The following ATG13 variants were observed in gnomAD, a reference collection of about 807,000 sequenced individuals.
ATG13 encodes the protein autophagy related 13.
ATG13 carries 23 observed loss-of-function variants against 65.5 expected under a neutral mutation model. The observed-to-expected ratio is 0.35, with a 90% CI of 0.25 to 0.50. The LOEUF (loss-of-function observed/expected upper bound fraction) is 0.50. Among genes scored for constraint, ATG13 ranks in the 20% least tolerant of loss-of-function variants. The probability of loss-of-function intolerance (pLI) is 0.98; values close to 1 mark genes in which losing one functional copy is unlikely to be tolerated. For missense variants in ATG13, 566 were observed against 677.0 expected, an observed-to-expected ratio of 0.84 and a Z score of 1.82; for synonymous variants, 252 against 245.2, an observed-to-expected ratio of 1.03 and a Z score of -0.26.
chr11:46,657,111 T>C lies in ATG13; in HGVS notation c.516T>C (p.Arg172=). ...SGLGEGFQTV[R]VGTVGTPVGT... ...TTCTCCTAGGCTTCCAGACAGTTCGTGTTGGGACAGTGGGCACCCCTGTGG... is the reference window on the plus strand; with the variant it reads ...TTCTCCTAGGCTTCCAGACAGTTCGCGTTGGGACAGTGGGCACCCCTGTGG... Residue 172 remains arginine (R), a synonymous_variant, in exon 9 of 19, where the codon CGT becomes CGC. Coordinates refer to ENST00000683050, the MANE Select transcript of ATG13 (RefSeq NM_001346311.2). 6.2e-7 allele frequency: 1 copy of C among 1,614,050 alleles called. No individual in the cohort carries two copies. Among genetic ancestry groups the C allele is most frequent in the Admixed American group, 1.7e-5 (1 of 60,026 alleles).
intron 3 of ATG13, 28 bp downstream of exon 3, chr11:46,644,388 A>G: frequency 6.4e-7 from 1 of 1,554,182 alleles, no homozygotes; most frequent in Non-Finnish European, 8.7e-7. Context: ...TTGAGCCTAG[A>G]ACTGTTAGAA....
At chr11:46,644,570 T>A (rs2057035404) in intron 3 of ATG13, among the ~76,000 whole-genome samples, 1 of 150,922 alleles carries the variant, frequency 6.6e-6, no homozygotes. Flanking sequence ...CCACAGCTAC[T>A]TGTTCAAAAA....
chr11:46,656,797 C>CT (rs1231369740), intron 8 of ATG13, among the ~76,000 whole-genome samples: 6 of 152,138 alleles, frequency 3.9e-5, no homozygotes. Context: ...GGCCTTAAAA[C>CT]TAACAGTTAT....
At chr11:46,649,372 G>A (rs2058436330) in intron 6 of ATG13, among the ~76,000 whole-genome samples, 189 bp downstream of exon 6, 1 of 152,172 alleles carries the variant, frequency 6.6e-6, no homozygotes, top group South Asian at 2.1e-4. Context: ...ACCTTCAGAG[G>A]GAACATCAGT....
chr11:46,641,392 G>A (rs1310281773), intron 2 of ATG13, among the ~76,000 whole-genome samples: 2 of 152,066 alleles, frequency 1.3e-5, no homozygotes, highest in African/African-American at 4.8e-5. Flanking sequence ...TTAATATTAC[G>A]TTATATTCAT....
In ATG13 at chr11:46,644,265, CT is replaced by C. The variant is rs750958461; in HGVS notation, c.-13-3del. ...AAAGATATTAGTCATATTTTTTTCA[CT>C]TTTTTTTTTTAGATTCCTATAGGCA... On this transcript the variant is annotated splice_polypyrimidine_tract_variant and intron_variant, in intron 2 of 18. Transcript: ENST00000683050. 44,061 of 997,988 alleles carry C rather than the reference CT, an allele frequency of 0.044. No individual in the cohort carries two copies. Among genetic ancestry groups the C allele is most frequent in the South Asian group, 0.071 (3,776 of 53,462 alleles). The allele number at this position is 997,988 out of a possible 1,614,324, so 61.8% of individuals were successfully genotyped here. A position where few individuals can be genotyped will look rare whatever the true frequency, so the allele number is the denominator to read the frequency against.
chr11:46,637,497 C>T (rs1388593927), intron 2 of ATG13, among the ~76,000 whole-genome samples: 1 of 152,070 alleles, frequency 6.6e-6, no homozygotes, highest in Admixed American at 6.6e-5. Context: ...CCAAGCCTCC[C>T]GAGCAGCTGG....
intron 2 of ATG13, among the ~76,000 whole-genome samples, chr11:46,632,083 A>C (rs887570655): frequency 6.6e-6 from 1 of 152,228 alleles, no homozygotes; most frequent in Non-Finnish European, 1.5e-5. Flanking sequence ...TAATTAAATG[A>C]GATTACTTCT....
At chr11:46,672,175 C>G in intron 18 of ATG13, 80 bp from the exon 19 acceptor site, 1 of 1,603,584 alleles carries the variant, frequency 6.2e-7, no homozygotes, top group East Asian at 2.2e-5. Context: ...TGCTTGCTGC[C>G]TCCCCTCTTC....
intron 1 of ATG13, chr11:46,629,767 C>G (rs1038677986): frequency 2.6e-5 from 4 of 152,070 alleles, no homozygotes; most frequent in African/African-American, 9.7e-5. Flanking sequence ...GTCAGCTCCC[C>G]CTTGTTAGAA....
At chr11:46,625,063 T>G (rs752796263) in intron 1 of ATG13, among the ~76,000 whole-genome samples, 7 of 151,596 alleles carry the variant, frequency 4.6e-5, no homozygotes, top group Non-Finnish European at 1.0e-4. Flanking sequence ...GGCTCACACC[T>G]GTAATCCTAA....
intron 1 of ATG13, among the ~76,000 whole-genome samples, chr11:46,620,384 C>T (rs891750229): frequency 3.0e-4 from 46 of 151,762 alleles, no homozygotes; most frequent in Non-Finnish European, 4.1e-4. Context: ...CGTGAGCCAC[C>T]GCGCCAGGCC....
Position 46,653,514 on chromosome 11 carries a change from C to A in ATG13, c.459-2719C>A, listed in dbSNP as rs368952813. Among the ~76,000 whole-genome samples the A allele has an allele frequency of 3.3e-5, 5 of 151,432 alleles. No homozygotes were observed. In the East Asian group the frequency reaches 9.7e-4, roughly 29 times the overall value. On this transcript the variant is annotated intron_variant, in intron 7 of 18. Transcript: ENST00000683050. ...CATACAAAACTGTAGTCTGTAAGAC[C>A]TAGGATTCAGATTTATCCTTATTTC...
At chr11:46,620,681 A>G (rs1681296144) in intron 1 of ATG13, among the ~76,000 whole-genome samples, 1 of 151,900 alleles carries the variant, frequency 6.6e-6, no homozygotes, top group South Asian at 2.1e-4. Flanking sequence ...AGGCTGAGAC[A>G]AGAGAATCGC....
At position 46,656,150 on chromosome 11, in the gene ATG13, T is replaced by C. The variant is rs2060008686; in HGVS notation, c.459-83T>C. On this transcript the variant is annotated intron_variant, in intron 7 of 18. Transcript: ENST00000683050. ...CAGATGAGTAAGGAAGGCTTTGTTT[T>C]ATTTTGTTTCTACGTGTTTTGGCTA... is the stretch of plus-strand genomic sequence containing the variant. 6.4e-6 allele frequency: 8 copies of C among 1,254,406 alleles called. No individual in the cohort carries two copies. The South Asian group carries it at 1.0e-4, about 16-fold the overall frequency. 77.7% of individuals were successfully genotyped at this position (1,254,406 alleles called of 1,614,324 possible).
chr11:46,669,404 A>C lies in ATG13; in HGVS notation c.1447A>C (p.Lys483Gln). ...THDDFVMIDFKPAFSKDDILP... is the reference protein window; with the variant it reads ...THDDFVMIDFQPAFSKDDILP... Reference sequence around the variant, plus strand: ...AACTGACTCTGTCTTGTTTTTGAAGAAACCAGCTTTTTCTAAAGATGACAT... The same window carrying C: ...AACTGACTCTGTCTTGTTTTTGAAGCAACCAGCTTTTTCTAAAGATGACAT... The change falls in exon 18 of 19, where the codon AAA (lysine) becomes CAA (glutamine). Residue 483 changes from lysine (K) to glutamine (Q), a missense_variant and splice_region_variant. Coordinates refer to ENST00000683050, the MANE Select transcript of ATG13 (RefSeq NM_001346311.2). 6.2e-7 allele frequency: 1 copy of C among 1,613,996 alleles called. No homozygotes were observed. Among genetic ancestry groups the C allele is most frequent in the Non-Finnish European group, 8.5e-7 (1 of 1,179,934 alleles).
intron 6 of ATG13, 71 bp from the exon 7 acceptor site, chr11:46,650,106 A>T: frequency 6.5e-7 from 1 of 1,529,772 alleles, no homozygotes; most frequent in Non-Finnish European, 8.9e-7. Flanking sequence ...ACATGTCTTA[A>T]TAATAAATTT....
intron 18 of ATG13, among the ~76,000 whole-genome samples, chr11:46,670,590 T>A (rs2063497651): frequency 6.6e-6 from 1 of 151,904 alleles, no homozygotes; most frequent in African/African-American, 2.4e-5. Context: ...GGCCTTCACT[T>A]GAACTCAGGA....
intron 7 of ATG13, among the ~76,000 whole-genome samples, chr11:46,654,055 A>T (rs912463614): frequency 3.4e-4 from 49 of 145,548 alleles, no homozygotes; most frequent in South Asian, 4.4e-4. Flanking sequence ...TTATGTTTTT[A>T]TTTTTTTTTT....
Sources: gnomAD v4.1 joint callset for allele counts (sites outside exome capture counted in the v4.1 genomes callset) on GRCh38, gnomAD v4.1.1 for gene constraint, MANE v1.5 for transcripts, NCBI Gene and HGNC (gene_info 2026-07-23, HGNC 2026-07-21) for gene names.